FSTL4: variants seen among roughly 807,000 people sequenced by gnomAD.
The protein encoded by FSTL4 is follistatin-related protein 4.
Under a neutral mutation model 78.2 loss-of-function variants are expected in FSTL4, and 28 were observed. That is an observed-to-expected ratio of 0.36 (90% CI 0.27 to 0.49). FSTL4 has a LOEUF of 0.49. Ranked by LOEUF, FSTL4 falls within the 20% of genes least tolerant of loss-of-function variation. The pLI, the probability that FSTL4 is intolerant of heterozygous loss-of-function variation, is 0.98. For synonymous variants in FSTL4, 422 were observed against 440.5 expected (o/e 0.96, Z 0.53); for missense variants, 922 against 1,084.9 (o/e 0.85, Z 2.11).
chr5:133,374,708 A>G (rs1755391526), intron 4 of FSTL4, among the ~76,000 whole-genome samples: 1 of 152,138 alleles, frequency 6.6e-6, no homozygotes, highest in Admixed American at 6.5e-5. Context: ...TTTAAAAAAA[A>G]GACAGGAAGA....
the FSTL4 span, among the ~76,000 whole-genome samples, chr5:133,662,885 C>T: frequency 1.3e-5 from 2 of 152,112 alleles, no homozygotes; most frequent in Non-Finnish European, 2.9e-5. Context: ...TGTCACATTG[C>T]TCAAGTCTAA....
the FSTL4 span, among the ~76,000 whole-genome samples, chr5:133,778,331 G>A: frequency 1.3e-5 from 2 of 148,198 alleles, no homozygotes; most frequent in African/African-American, 4.9e-5. Context: ...CAGAAAGGAG[G>A]TGTTTCCTCT....
At chr5:133,484,627 G>T (rs27986) in intron 3 of FSTL4, among the ~76,000 whole-genome samples, 44,330 of 152,150 alleles carry the variant, frequency 0.29, 9,562 homozygotes, top group African/African-American at 0.61. Flanking sequence ...CTCCACTGCT[G>T]TATCTGCACT....
At chr5:133,474,692 T>A (rs868210666) in intron 3 of FSTL4, among the ~76,000 whole-genome samples, 2 of 152,204 alleles carry the variant, frequency 1.3e-5, no homozygotes, top group Non-Finnish European at 2.9e-5. Context: ...AAATGGTTGA[T>A]GCAATGAGAG....
chr5:133,623,853 G>T, the FSTL4 span, among the ~76,000 whole-genome samples: 287 of 152,016 alleles, frequency 1.9e-3, 2 homozygotes, highest in African/African-American at 6.1e-3. Flanking sequence ...TATACAAATG[G>T]CTGAATATTT....
rs138837191 is a variant in FSTL4, at chr5:133,218,905, G to T, written c.1459-1527C>A. 2.6e-3 allele frequency among the ~76,000 whole-genome samples: 394 copies of T among 152,296 alleles called. 1 individual carries two copies. Among genetic ancestry groups the T allele is most frequent in the Admixed American group, 5.4e-3 (82 of 15,302 alleles). On this transcript the variant is annotated intron_variant, in intron 12 of 15. Coordinates refer to ENST00000265342, the MANE Select transcript of FSTL4 (RefSeq NM_015082.2). Reference sequence around the variant, plus strand: ...GTAAGTTCCTTGAGGGCAGGTCTTTGGTTCACTGCTATATGATTAGCACCT... The same window carrying T: ...GTAAGTTCCTTGAGGGCAGGTCTTTTGTTCACTGCTATATGATTAGCACCT...
chr5:133,753,541 C>T, the FSTL4 span, among the ~76,000 whole-genome samples: 1,842 of 152,284 alleles, frequency 0.012, 45 homozygotes, highest in African/African-American at 0.043. Flanking sequence ...GGAAACTGAG[C>T]TAAGCCAGGT....
At chr5:133,524,225 G>T (rs1446940731) in intron 3 of FSTL4, among the ~76,000 whole-genome samples, 2 of 152,320 alleles carry the variant, frequency 1.3e-5, no homozygotes, top group East Asian at 3.9e-4. Flanking sequence ...ACGGAGACAG[G>T]CAGGCAGAGG....
At chr5:133,627,125 A>G in the FSTL4 span, among the ~76,000 whole-genome samples, 1 of 125,242 alleles carries the variant, frequency 8.0e-6, no homozygotes, top group South Asian at 2.6e-4. Flanking sequence ...CCCTTTTACC[A>G]TTATATGATG....
At chr5:133,499,554 A>T (rs1364745675) in intron 3 of FSTL4, among the ~76,000 whole-genome samples, 1 of 151,820 alleles carries the variant, frequency 6.6e-6, no homozygotes, top group Non-Finnish European at 1.5e-5. Flanking sequence ...CCAAGAATCA[A>T]CCTCCTAGGT....
At chr5:133,641,856 T>A in the FSTL4 span, among the ~76,000 whole-genome samples, 1 of 152,020 alleles carries the variant, frequency 6.6e-6, no homozygotes, top group Non-Finnish European at 1.5e-5. Flanking sequence ...TTCTTCTTCT[T>A]CTTACCTTTC....
the FSTL4 span, among the ~76,000 whole-genome samples, chr5:133,738,454 A>G: frequency 3.3e-5 from 5 of 152,262 alleles, no homozygotes; most frequent in Admixed American, 6.5e-5. Flanking sequence ...CACGTATATG[A>G]TTCAGCACCT....
At chr5:133,315,568 T>C (rs1231185205) in intron 5 of FSTL4, among the ~76,000 whole-genome samples, 1 of 152,206 alleles carries the variant, frequency 6.6e-6, no homozygotes, top group Non-Finnish European at 1.5e-5. Flanking sequence ...AACCTGTCTT[T>C]ATTATCCATC....
intron 7 of FSTL4, chr5:133,246,690 G>A (rs1752046918): frequency 6.6e-6 from 1 of 152,216 alleles, no homozygotes; most frequent in African/African-American, 2.4e-5. Flanking sequence ...CTATCTGCCT[G>A]ACTAGGGAGC....
the FSTL4 span, among the ~76,000 whole-genome samples, chr5:133,756,652 G>A: frequency 4.6e-5 from 7 of 152,110 alleles, no homozygotes; most frequent in Admixed American, 1.3e-4. Flanking sequence ...CTGGCCCTCC[G>A]GCATGGAGGT....
intron 3 of FSTL4, among the ~76,000 whole-genome samples, chr5:133,486,047 G>A (rs567093057): frequency 6.6e-6 from 1 of 152,294 alleles, no homozygotes; most frequent in South Asian, 2.1e-4. Context: ...CTCACGGTGA[G>A]AATGGCTCAC....
the FSTL4 span, among the ~76,000 whole-genome samples, chr5:133,658,603 T>C: frequency 6.6e-6 from 1 of 152,112 alleles, no homozygotes; most frequent in Non-Finnish European, 1.5e-5. Flanking sequence ...TCATTTCCCA[T>C]TGTTGTTATT....
intron 4 of FSTL4, among the ~76,000 whole-genome samples, chr5:133,364,743 T>A (rs2126937557): frequency 6.6e-6 from 1 of 152,356 alleles, no homozygotes; most frequent in Admixed American, 6.5e-5. Context: ...GCTGAAAAGC[T>A]TTTTATCAAC....
At chr5:133,511,879 C>G (rs1199308797) in intron 3 of FSTL4, among the ~76,000 whole-genome samples, 1 of 152,122 alleles carries the variant, frequency 6.6e-6, no homozygotes, top group East Asian at 1.9e-4. Context: ...GAAGTGAAGA[C>G]AGAGCTGAGC....
Sources: allele counts gnomAD v4.1 joint callset (sites outside exome capture counted in the v4.1 genomes callset), GRCh38; gene constraint gnomAD v4.1.1; transcripts MANE v1.5; gene names NCBI Gene and HGNC (gene_info 2026-07-23, HGNC 2026-07-21).